ZNF718: variants seen among roughly 807,000 people sequenced by gnomAD.
ZNF718 encodes the protein zinc finger protein 718.
Under a neutral mutation model 2.6 loss-of-function variants are expected in ZNF718, and 3 were observed. That is an observed-to-expected ratio of 1.16 (90% CI 0.53 to 3.01). ZNF718 has a LOEUF of 3.01. Ranked by LOEUF, ZNF718 falls within the 30% of genes most tolerant of loss-of-function variation. The probability of loss-of-function intolerance (pLI) is 0.03; values close to 1 mark genes in which losing one functional copy is unlikely to be tolerated. For missense variants in ZNF718, 468 were observed against 230.0 expected, an observed-to-expected ratio of 2.03 and a Z score of -6.69; for synonymous variants, 135 against 77.9, an observed-to-expected ratio of 1.73 and a Z score of -3.86.
At chr4:174,992 C>CTT (rs1717319144) in intron 3 of ZNF718, among the ~76,000 whole-genome samples, 1 of 152,200 alleles carries the variant, frequency 6.6e-6, no homozygotes, top group African/African-American at 2.4e-5. Context: ...ATGGCTAGAA[C>CTT]TTCTGCCCAT....
chr4:143,990 G>T (rs1715931755), intron 3 of ZNF718, among the ~76,000 whole-genome samples: 1 of 152,134 alleles, frequency 6.6e-6, no homozygotes, highest in Non-Finnish European at 1.5e-5. Context: ...TCTGGAGGCA[G>T]GGACCATAAG....
chr4:136,131 T>A (rs1715561012), intron 3 of ZNF718, among the ~76,000 whole-genome samples: 1 of 152,148 alleles, frequency 6.6e-6, no homozygotes. Context: ...CTTGAGGACA[T>A]TAATCTGTAT....
chr4:189,657 T>C (rs1261726973), intron 3 of ZNF718, among the ~76,000 whole-genome samples: 1 of 152,220 alleles, frequency 6.6e-6, no homozygotes, highest in African/African-American at 2.4e-5. Flanking sequence ...TCCAGTACAG[T>C]GTTAAACAGA....
At chr4:169,911 G>T (rs202215695) in intron 3 of ZNF718, among the ~76,000 whole-genome samples, 29,085 of 150,254 alleles carry the variant, frequency 0.19, 3,064 homozygotes, top group Admixed American at 0.26. Flanking sequence ...TGGTTATTTT[G>T]CTCATCAGTT....
chr4:143,709 G>A (rs1715915014), intron 3 of ZNF718, among the ~76,000 whole-genome samples: 1 of 151,936 alleles, frequency 6.6e-6, no homozygotes, highest in African/African-American at 2.4e-5. Context: ...AACCAAACAC[G>A]TTTGCTCTTG....
At chr4:177,372 G>C (rs1245406168) in intron 3 of ZNF718, among the ~76,000 whole-genome samples, 1 of 152,190 alleles carries the variant, frequency 6.6e-6, no homozygotes, top group Non-Finnish European at 1.5e-5. Flanking sequence ...GAAAAATGCT[G>C]TTTCTGGGTT....
intron 3 of ZNF718, among the ~76,000 whole-genome samples, chr4:181,480 T>A (rs138507860): frequency 1.8e-4 from 27 of 152,210 alleles, no homozygotes; most frequent in Admixed American, 1.8e-3. Context: ...TTGAGTTAGG[T>A]GGTTCAGCTT....
intron 3 of ZNF718, among the ~76,000 whole-genome samples, chr4:136,258 G>A (rs554741017): frequency 6.6e-6 from 1 of 152,306 alleles, no homozygotes; most frequent in South Asian, 2.1e-4. Flanking sequence ...AGGTCTCTCT[G>A]AGTCCCTGAG....
At chr4:145,489 G>A (rs549809064) in intron 3 of ZNF718, among the ~76,000 whole-genome samples, 4 of 152,138 alleles carry the variant, frequency 2.6e-5, no homozygotes, top group Non-Finnish European at 5.9e-5. Flanking sequence ...TGTACAGATA[G>A]GGTCTTCCTT....
At chr4:171,549 G>T (rs1414305735) in intron 3 of ZNF718, among the ~76,000 whole-genome samples, 3 of 152,066 alleles carry the variant, frequency 2.0e-5, no homozygotes, top group African/African-American at 4.8e-5. Context: ...AATGGTGGGC[G>T]CCCCTCCCCC....
rs939960634 is a variant in ZNF718, at chr4:199,844, G to T, written c.227-1237G>T. On this transcript the variant is annotated intron_variant and NMD_transcript_variant, in intron 3 of 4. Coordinates refer to the ZNF718 transcript ENST00000642529. ...CACCTGTGCTCACACCAAGCCTTCTGCCTGGTAGTCCTACCTACAGACCTG... is the reference window on the plus strand; with the variant it reads ...CACCTGTGCTCACACCAAGCCTTCTTCCTGGTAGTCCTACCTACAGACCTG... Among the ~76,000 whole-genome samples, 23 of 152,102 alleles carry T rather than the reference G, an allele frequency of 1.5e-4. 1 individual carries two copies. Among genetic ancestry groups the T allele is most frequent in the Admixed American group, 6.5e-5 (1 of 15,268 alleles).
intron 3 of ZNF718, chr4:141,963 A>G (rs1477218401): frequency 3.9e-6 from 2 of 512,984 alleles, no homozygotes; most frequent in Non-Finnish European, 7.8e-6. Context: ...GGCTGAGATT[A>G]TTATGCTACA....
intron 3 of ZNF718, among the ~76,000 whole-genome samples, chr4:160,384 A>T (rs1009831694): frequency 2.0e-5 from 3 of 152,200 alleles, no homozygotes; most frequent in African/African-American, 7.2e-5. Context: ...TAACTCATTT[A>T]TAGATTTCAC....
chr4:162,267 G>A lies in ZNF718; in HGVS notation c.*145G>A. 1 of 503,546 alleles carries A rather than the reference G, an allele frequency of 2.0e-6. No individual in the cohort carries two copies. 31.2% of individuals were successfully genotyped at this position (503,546 alleles called of 1,614,324 possible). ...TTCTAAACATAAGAGAAATGGTATTGGTGAGAAGCCATAAAAATATGAAAA... is the reference window on the plus strand; with the variant it reads ...TTCTAAACATAAGAGAAATGGTATTAGTGAGAAGCCATAAAAATATGAAAA... On this transcript the variant is annotated 3_prime_UTR_variant, in exon 4 of 4. Transcript: ENST00000510175.
downstream of ZNF718, among the ~76,000 whole-genome samples, chr4:168,686 A>G (rs1717149318): frequency 6.6e-6 from 1 of 151,958 alleles, no homozygotes; most frequent in Non-Finnish European, 1.5e-5. Context: ...TTTCTGTGGG[A>G]TCGGTGGTGA....
chr4:182,503 G>A (rs1335339189), intron 3 of ZNF718, among the ~76,000 whole-genome samples: 6 of 151,714 alleles, frequency 4.0e-5, no homozygotes, highest in East Asian at 3.9e-4. Context: ...GCATGATCTC[G>A]GTTTACTGCA....
At chr4:155,509 TG>T (rs1560118928) in intron 3 of ZNF718, among the ~76,000 whole-genome samples, 1 of 152,208 alleles carries the variant, frequency 6.6e-6, no homozygotes, top group Non-Finnish European at 1.5e-5. Flanking sequence ...GACATCATTT[TG>T]GAGCTTTAAG....
chr4:133,510 G>T (rs1553808726), intron 3 of ZNF718, among the ~76,000 whole-genome samples: 1 of 151,974 alleles, frequency 6.6e-6, no homozygotes, highest in African/African-American at 2.4e-5. Context: ...CTGAAGTTCT[G>T]TTGAGATCTA....
At chr4:177,104 G>C (rs1717365505) in intron 3 of ZNF718, among the ~76,000 whole-genome samples, 1 of 152,118 alleles carries the variant, frequency 6.6e-6, no homozygotes, top group African/African-American at 2.4e-5. Context: ...CACCAGATCA[G>C]CTCAGAAGTT....
Sources: gnomAD v4.1 joint callset for allele counts (sites outside exome capture counted in the v4.1 genomes callset) on GRCh38, gnomAD v4.1.1 for gene constraint, MANE v1.5 for transcripts, NCBI Gene and HGNC (gene_info 2026-07-23, HGNC 2026-07-21) for gene names.